RHOA: variants seen among roughly 807,000 people sequenced by gnomAD.
The protein encoded by RHOA is ras homolog family member A, also known as transforming protein RhoA.
RHOA carries 3 observed loss-of-function variants against 17.5 expected under a neutral mutation model. The observed-to-expected ratio is 0.17, with a 90% confidence interval of 0.08 to 0.44. The LOEUF is 0.44. RHOA is among the 20% of genes least tolerant of loss of function. The pLI is 0.99. For synonymous variants in RHOA, 98 were observed against 88.4 expected (o/e 1.11, Z -0.61); for missense variants, 56 against 242.3 (o/e 0.23, Z 5.10).
chr3:49,368,626 G>T, intron 2 of RHOA, 78 bp from the exon 3 acceptor site: 1 of 1,508,504 alleles, frequency 6.6e-7, no homozygotes, highest in Non-Finnish European at 9.2e-7. Flanking sequence ...ACTTACCATA[G>T]TACATTGAAA....
chr3:49,367,144 C>T (rs888718669), intron 3 of RHOA: 1 of 151,976 alleles, frequency 6.6e-6, no homozygotes, highest in Non-Finnish European at 1.5e-5. Flanking sequence ...AGATCAAGAT[C>T]ATCCTGGCTA....
At chr3:49,410,731 T>C (rs2048918595) in intron 1 of RHOA, among the ~76,000 whole-genome samples, 1 of 152,242 alleles carries the variant, frequency 6.6e-6, no homozygotes, top group Admixed American at 6.5e-5. Flanking sequence ...ACATACAACA[T>C]TTTAAATTAT....
chr3:49,382,311 T>C (rs564619611), intron 1 of RHOA, among the ~76,000 whole-genome samples: 3 of 142,566 alleles, frequency 2.1e-5, no homozygotes, highest in Non-Finnish European at 4.6e-5. Context: ...AGAGAGAGAC[T>C]CCGTCTCAAA....
chr3:49,360,560 T>G (rs953032359), intron 4 of RHOA, among the ~76,000 whole-genome samples, 178 bp from the exon 5 acceptor site: 2 of 151,994 alleles, frequency 1.3e-5, no homozygotes, highest in African/African-American at 4.8e-5. Flanking sequence ...CTCCACCTCC[T>G]GGGTTCAAGG....
chr3:49,398,663 A>G (rs2048660836), intron 1 of RHOA, among the ~76,000 whole-genome samples: 1 of 150,644 alleles, frequency 6.6e-6, no homozygotes. Flanking sequence ...GTCTCTACTA[A>G]AAGAAAAAAA....
At chr3:49,385,185 G>C (rs981959491) in intron 1 of RHOA, among the ~76,000 whole-genome samples, 9 of 151,764 alleles carry the variant, frequency 5.9e-5, no homozygotes, top group African/African-American at 9.7e-5. Context: ...GGGACTACAG[G>C]GGTGAGCCAC....
At chr3:49,365,927 T>C (rs1264807545) in intron 3 of RHOA, among the ~76,000 whole-genome samples, 2 of 152,084 alleles carry the variant, frequency 1.3e-5, no homozygotes, top group African/African-American at 4.8e-5. Flanking sequence ...CAGCAGTGTG[T>C]GCCTGTAGTA....
intron 1 of RHOA, among the ~76,000 whole-genome samples, chr3:49,397,199 A>G (rs990471025): frequency 2.6e-5 from 4 of 152,098 alleles, no homozygotes; most frequent in Non-Finnish European, 5.9e-5. Flanking sequence ...CATTGCATAA[A>G]TGAAAGAAGC....
At position 49,360,135 on chromosome 3, in the gene RHOA, C is replaced by CA. The variant is rs8179163; in HGVS notation, c.*73dup. On this transcript the variant is annotated 3_prime_UTR_variant, in exon 5 of 5. Coordinates refer to ENST00000418115, the MANE Select transcript of RHOA (RefSeq NM_001664.4). Reference sequence around the variant, plus strand: ...TAAATTATAGATAAATGAAAAAGGCCAGTAATCATACACTAAGATTAATAA... The same window carrying CA: ...TAAATTATAGATAAATGAAAAAGGCCAAGTAATCATACACTAAGATTAATAA... The CA allele has an allele frequency of 2.8e-4, 388 of 1,374,426 alleles. 3 individuals carry two copies. The East Asian group carries it at 7.3e-3, about 26-fold the overall frequency. The allele number at this position is 1,374,426 out of a possible 1,614,324, so 85.1% of individuals were successfully genotyped here.
At chr3:49,365,821 C>T (rs2048046032) in intron 3 of RHOA, among the ~76,000 whole-genome samples, 1 of 152,000 alleles carries the variant, frequency 6.6e-6, no homozygotes, top group Non-Finnish European at 1.5e-5. Context: ...GAACTCCTGA[C>T]CTCAGGTGAT....
intron 1 of RHOA, among the ~76,000 whole-genome samples, chr3:49,405,554 A>C (rs2048819190): frequency 6.6e-6 from 1 of 152,174 alleles, no homozygotes; most frequent in Non-Finnish European, 1.5e-5. Flanking sequence ...AGAAGAAAAA[A>C]ACTGAATTAC....
Position 49,360,080 on chromosome 3 carries a change from G to T in RHOA, c.*129C>A. 1 of 1,077,898 alleles carries T rather than the reference G, an allele frequency of 9.3e-7. No homozygotes were observed. Among genetic ancestry groups the T allele is most frequent in the Non-Finnish European group, 1.3e-6 (1 of 760,688 alleles). 66.8% of individuals were successfully genotyped at this position (1,077,898 alleles called of 1,614,324 possible). ...CATAGTTGGCTTCTAAATACTGGTA[G>T]CAAGATGACTTCTGATTTGTAATCT... On this transcript the variant is annotated 3_prime_UTR_variant, in exon 5 of 5. Transcript: ENST00000418115.
intron 4 of RHOA, 95 bp from the exon 5 acceptor site, chr3:49,360,477 CTT>C: frequency 7.3e-7 from 1 of 1,364,878 alleles, no homozygotes; most frequent in Non-Finnish European, 9.8e-7. Context: ...ATTTTTTTTT[CTT>C]TTTTTGAGAC....
Position 49,385,372 on chromosome 3 carries a change from C to T in RHOA, c.-2-9781G>A, listed in dbSNP as rs1041837615. 2.0e-5 allele frequency among the ~76,000 whole-genome samples: 3 copies of T among 151,720 alleles called. No individual in the cohort carries two copies. In the East Asian group the frequency reaches 5.9e-4, roughly 30 times the overall value. On this transcript the variant is annotated intron_variant, in intron 1 of 4. Coordinates refer to ENST00000418115, the MANE Select transcript of RHOA (RefSeq NM_001664.4). The stretch of plus-strand genomic sequence containing the variant: ...AATAGCTGGGAGGCGTCTGCCACCA[C>T]GCCTGGCTAATTTTTTTATTTTTAG...
intron 1 of RHOA, among the ~76,000 whole-genome samples, chr3:49,399,098 G>A (rs571271326): frequency 7.9e-5 from 10 of 126,176 alleles, no homozygotes; most frequent in Admixed American, 2.8e-4. Flanking sequence ...GGCTGGGCAC[G>A]GTGGCTCATG....
At chr3:49,385,361 G>A (rs947646148) in intron 1 of RHOA, among the ~76,000 whole-genome samples, 24 of 151,344 alleles carry the variant, frequency 1.6e-4, no homozygotes, top group East Asian at 5.9e-4. Context: ...GCTGGGAGGC[G>A]TCTGCCACCA....
chr3:49,362,510 C>T lies in RHOA; in HGVS notation c.394G>A (p.Ala132Thr), dbSNP rs2107829882. 1 of 1,611,600 alleles carries T rather than the reference C, an allele frequency of 6.2e-7. No individual in the cohort carries two copies. The highest frequency in any genetic ancestry group is 8.5e-7 in the Non-Finnish European group (1 of 1,178,742). Residue 132 changes from alanine (A) to threonine (T), a missense_variant, in exon 4 of 5, where the codon GCC becomes ACC. Around this residue, in one of 2 missense-constraint regions of RHOA, gnomAD observed 39 missense variants for 86.0 expected, o/e 0.45. Coordinates refer to ENST00000418115, the MANE Select transcript of RHOA (RefSeq NM_001664.4). ...RNDEHTRREL[A>T]KMKQEPVKPE... is the part of the protein sequence containing the mutation. The stretch of plus-strand genomic sequence containing the variant: ...CCAGATCATGCCTGCTTCATCTTGG[C>T]TAGCTCCCGCCTTGTGTGCTCATCA...
chr3:49,408,648 C>T (rs2048879351), intron 1 of RHOA, among the ~76,000 whole-genome samples: 1 of 144,892 alleles, frequency 6.9e-6, no homozygotes, highest in Non-Finnish European at 1.5e-5. Context: ...ATGAGCATGT[C>T]CCCAAAGAGC....
chr3:49,405,257 C>CAAA (rs56912055), intron 1 of RHOA, among the ~76,000 whole-genome samples: 117 of 109,944 alleles, frequency 1.1e-3, no homozygotes, highest in East Asian at 4.3e-3. Context: ...GACTGTGTCT[C>CAAA]AAAAAAAAAA....
Sources: allele counts gnomAD v4.1 joint callset (sites outside exome capture counted in the v4.1 genomes callset), GRCh38; gene constraint gnomAD v4.1.1; regional missense constraint gnomAD v4.1.1; transcripts MANE v1.5; gene names NCBI Gene and HGNC (gene_info 2026-07-23, HGNC 2026-07-21).